The following PLXDC2 variants were observed in gnomAD, a reference collection of about 807,000 sequenced individuals.
PLXDC2 encodes plexin domain-containing protein 2.
Under a neutral mutation model 68.9 loss-of-function variants are expected in PLXDC2, and 40 were observed. The observed-to-expected ratio is 0.58, with a 90% CI of 0.45 to 0.76. The LOEUF is 0.76. Ranked by LOEUF, PLXDC2 falls within the 30% of genes least tolerant of loss-of-function variation. The pLI, the probability that PLXDC2 is intolerant of heterozygous loss-of-function variation, is 0.00. For missense variants in PLXDC2, 644 were observed against 661.9 expected (o/e 0.97, Z 0.30); for synonymous variants, 243 against 234.2 (o/e 1.04, Z -0.34).
At chr10:19,874,378 C>G (rs1465788671) in intron 1 of PLXDC2, among the ~76,000 whole-genome samples, 1 of 152,192 alleles carries the variant, frequency 6.6e-6, no homozygotes. Context: ...GAGCAACTCA[C>G]TTTCTAGAAA....
At chr10:19,900,398 C>T (rs1021477920) in intron 1 of PLXDC2, among the ~76,000 whole-genome samples, 2 of 152,040 alleles carry the variant, frequency 1.3e-5, no homozygotes, top group Non-Finnish European at 2.9e-5. Context: ...CCAACAGTTA[C>T]AGGATTCTCA....
At chr10:20,062,728 A>C (rs2131700771) in intron 3 of PLXDC2, among the ~76,000 whole-genome samples, 1 of 152,254 alleles carries the variant, frequency 6.6e-6, no homozygotes, top group East Asian at 1.9e-4. Flanking sequence ...ATACAGTTTC[A>C]ATAAAGTTAG....
intron 1 of PLXDC2, among the ~76,000 whole-genome samples, chr10:19,836,990 T>A (rs1311301971): frequency 6.6e-6 from 1 of 152,184 alleles, no homozygotes; most frequent in Non-Finnish European, 1.5e-5. Flanking sequence ...GGGAATAAGT[T>A]CAAAATTGCC....
In PLXDC2 at chr10:20,101,238, GCT is replaced by G. The variant is rs1489207027; in HGVS notation, c.541+33003_541+33004del. On this transcript the variant is annotated intron_variant, in intron 4 of 13. Coordinates refer to ENST00000377252, the MANE Select transcript of PLXDC2 (RefSeq NM_032812.9). ...CACATTCTTCCAAAGTAGGCGGATG[GCT>G]CTCATTTCAGTTCAGCTCAGCCATT... 5.9e-5 allele frequency among the ~76,000 whole-genome samples: 9 copies of G among 152,136 alleles called. No homozygotes were observed. In the South Asian group the frequency reaches 8.3e-4, roughly 14 times the overall value.
At chr10:20,096,184 G>A (rs1476148844) in intron 4 of PLXDC2, among the ~76,000 whole-genome samples, 1 of 152,110 alleles carries the variant, frequency 6.6e-6, no homozygotes, top group Non-Finnish European at 1.5e-5. Context: ...TTTCCACTCT[G>A]TTTCTTGTCC....
chr10:20,199,303 A>G lies in PLXDC2; in HGVS notation c.1062-12366A>G, dbSNP rs144332532. Among the ~76,000 whole-genome samples, 537 of 152,150 alleles carry G rather than the reference A, an allele frequency of 3.5e-3. 2 individuals are homozygous for G. Among genetic ancestry groups the G allele is most frequent in the African/African-American group, 0.012 (482 of 41,580 alleles). On this transcript the variant is annotated intron_variant, in intron 9 of 13. Transcript: ENST00000377252. Reference sequence around the variant, plus strand: ...GCAATAATAAATATCATTTTACAACATAAAAATATGCTAAACACTGAAGCC... The same window carrying G: ...GCAATAATAAATATCATTTTACAACGTAAAAATATGCTAAACACTGAAGCC...
Position 20,281,527 on chromosome 10 carries a change from G to T in PLXDC2, c.*1708G>T, listed in dbSNP as rs1836081887. The T allele has an allele frequency of 1.3e-5, 2 of 152,272 alleles. No homozygotes were observed. The highest frequency in any genetic ancestry group is 4.1e-4 in the South Asian group (2 of 4,832). 9.4% of individuals were successfully genotyped at this position (152,272 alleles called of 1,614,324 possible). On this transcript the variant is annotated 3_prime_UTR_variant, in exon 14 of 14. Coordinates refer to ENST00000377252, the MANE Select transcript of PLXDC2 (RefSeq NM_032812.9). ...CCTTGGTCATCAGTCCACTCACAGA[G>T]TACCATACTTTATCATCACAAGTGT...
intron 1 of PLXDC2, among the ~76,000 whole-genome samples, chr10:19,994,783 C>T (rs1834814810): frequency 6.6e-6 from 1 of 151,446 alleles, no homozygotes. Flanking sequence ...CGCTCTGTTA[C>T]CCAGGCTGGG....
chr10:20,258,194 G>C (rs1424343384), intron 13 of PLXDC2, among the ~76,000 whole-genome samples: 2 of 151,594 alleles, frequency 1.3e-5, no homozygotes, highest in African/African-American at 2.4e-5. Context: ...GTAGTGATGG[G>C]GTTTCACTAT....
intron 1 of PLXDC2, among the ~76,000 whole-genome samples, chr10:19,964,539 A>G (rs1424104885): frequency 2.6e-5 from 4 of 152,220 alleles, no homozygotes; most frequent in Admixed American, 6.5e-5. Context: ...AGGAAATATA[A>G]TAAGCACACA....
chr10:20,048,102 T>G (rs771296054), intron 3 of PLXDC2, among the ~76,000 whole-genome samples: 1 of 152,144 alleles, frequency 6.6e-6, no homozygotes, highest in Non-Finnish European at 1.5e-5. Flanking sequence ...TTGTCATTAT[T>G]GATATAAACA....
rs539884558 is a variant in PLXDC2 at position 20,003,638 on chromosome 10, G to A, written c.324+1652G>A. Among the ~76,000 whole-genome samples, 3 of 152,138 alleles carry A rather than the reference G, an allele frequency of 2.0e-5. No homozygotes were observed. The South Asian group carries it at 6.2e-4, about 32-fold the overall frequency. On this transcript the variant is annotated intron_variant, in intron 2 of 13. Transcript: ENST00000377252. ...GTAAGGACGGGGTTTCACCATGTTG[G>A]CCAGGCTGGTCTTGAACTCCTGACC...
chr10:20,035,903 T>G lies in PLXDC2; in HGVS notation c.325-10966T>G, dbSNP rs556530319. Among the ~76,000 whole-genome samples, 3 of 152,192 alleles carry G rather than the reference T, an allele frequency of 2.0e-5. No individual in the cohort carries two copies. The East Asian group carries it at 5.8e-4, about 29-fold the overall frequency. On this transcript the variant is annotated intron_variant, in intron 2 of 13. Transcript: ENST00000377252. ...TTTTAGAAGTTGATTCTGAGTAAAT[T>G]TTTGCATAATTCTTTTAAAATTATA...
chr10:20,070,676 A>G (rs1029251216), intron 4 of PLXDC2: 5 of 152,210 alleles, frequency 3.3e-5, no homozygotes, highest in Admixed American at 1.3e-4. Flanking sequence ...TGATTCTAAA[A>G]TACCGACATT....
chr10:20,012,934 T>A (rs1265560972), intron 2 of PLXDC2, among the ~76,000 whole-genome samples: 5 of 152,232 alleles, frequency 3.3e-5, no homozygotes, highest in Non-Finnish European at 7.3e-5. Context: ...ATTTTCTATA[T>A]GTTATTTCAA....
intron 1 of PLXDC2, among the ~76,000 whole-genome samples, chr10:19,882,949 T>TCC (rs1554842184): frequency 0.31 from 45,047 of 144,538 alleles, 7,442 homozygotes; most frequent in Middle Eastern, 0.41. Context: ...TTTTTTTTTT[T>TCC]TTCCTTTCTT....
rs774649867 is a variant in PLXDC2 at position 20,217,450 on chromosome 10, A to G, written c.1147A>G (p.Thr383Ala). The change falls in exon 11 of 14, where the codon ACA becomes GCA. Residue 383 changes from threonine to alanine, a missense_variant. By Grantham distance (58) the Thr-to-Ala change is moderately conservative. This residue lies in a region of PLXDC2 where 330 missense variants were observed against 327.9 expected (regional missense o/e 1.01). Transcript: ENST00000377252. ...GTCAAAAGAGAAGATGTGTGAGAATACAGAACCAGTGGAAACTTCTTCTCG... is the reference window on the plus strand; with the variant it reads ...GTCAAAAGAGAAGATGTGTGAGAATGCAGAACCAGTGGAAACTTCTTCTCG... Reference protein sequence around the residue: ...EESKEKMCENTEPVETSSRTT... With the variant: ...EESKEKMCENAEPVETSSRTT... The G allele has an allele frequency of 1.2e-6, 2 of 1,612,654 alleles. No homozygotes were observed. The highest frequency in any genetic ancestry group is 1.7e-5 in the Admixed American group (1 of 59,930).
intron 2 of PLXDC2, among the ~76,000 whole-genome samples, chr10:20,033,440 C>A (rs536575813): frequency 8.5e-5 from 13 of 152,092 alleles, no homozygotes; most frequent in East Asian, 1.9e-4. Flanking sequence ...TTATAGCATA[C>A]CCAATTATGC....
intron 6 of PLXDC2, among the ~76,000 whole-genome samples, chr10:20,149,606 T>A (rs1352500617): frequency 6.6e-6 from 1 of 152,136 alleles, no homozygotes; most frequent in East Asian, 1.9e-4. Flanking sequence ...CAGTGTCTGT[T>A]GTTCCCTTCT....
Sources: gnomAD v4.1 joint callset for allele counts (sites outside exome capture counted in the v4.1 genomes callset) on GRCh38, gnomAD v4.1.1 for gene constraint, gnomAD v4.1.1 regional missense constraint, MANE v1.5 for transcripts, NCBI Gene and HGNC (gene_info 2026-07-23, HGNC 2026-07-21) for gene names.